The following GLCE variants were observed in gnomAD, a reference collection of about 807,000 sequenced individuals.
The protein encoded by GLCE is D-glucuronyl C5-epimerase.
A neutral mutation model predicts 47.9 loss-of-function variants in GLCE; 19 were observed. The ratio of observed to expected loss-of-function variants is 0.40; its 90% CI spans 0.28 to 0.58. The LOEUF (loss-of-function observed/expected upper bound fraction) is 0.58. GLCE is among the 20% of genes least tolerant of loss of function. The pLI is 0.48. For missense variants in GLCE, 556 were observed against 743.3 expected (o/e 0.75, Z 2.93); for synonymous variants, 245 against 263.4 (o/e 0.93, Z 0.68).
intron 1 of GLCE, among the ~76,000 whole-genome samples, chr15:69,171,555 C>T (rs1336916758): frequency 6.6e-6 from 1 of 151,898 alleles, no homozygotes; most frequent in Non-Finnish European, 1.5e-5. Context: ...TGCCACCATG[C>T]CCGGCCAATT....
chr15:69,199,198 A>G (rs1037383071), intron 1 of GLCE, among the ~76,000 whole-genome samples: 3 of 152,170 alleles, frequency 2.0e-5, no homozygotes, highest in Non-Finnish European at 4.4e-5. Context: ...GAAAAGTTCA[A>G]GTCATTTTGT....
chr15:69,239,463 G>A lies in GLCE; in HGVS notation c.-13-16331G>A, dbSNP rs531121751. Among the ~76,000 whole-genome samples, 7 of 152,174 alleles carry A rather than the reference G, an allele frequency of 4.6e-5. No individual in the cohort carries two copies. The South Asian group carries it at 1.5e-3, about 32-fold the overall frequency. ...GAAAACCCAAGCTGGAACATAAGATGGTTTATTTCTGGTGTCTGTTACTAA... is the reference window on the plus strand; with the variant it reads ...GAAAACCCAAGCTGGAACATAAGATAGTTTATTTCTGGTGTCTGTTACTAA... On this transcript the variant is annotated intron_variant, in intron 2 of 4. Transcript: ENST00000261858.
At chr15:69,245,758 T>C (rs2052737361) in intron 2 of GLCE, among the ~76,000 whole-genome samples, 1 of 152,190 alleles carries the variant, frequency 6.6e-6, no homozygotes, top group Non-Finnish European at 1.5e-5. Context: ...AGACAGAGTC[T>C]CACTCTGTCA....
intron 1 of GLCE, among the ~76,000 whole-genome samples, chr15:69,198,328 A>AT (rs1287356170): frequency 2.0e-5 from 3 of 152,190 alleles, no homozygotes; most frequent in Non-Finnish European, 4.4e-5. Flanking sequence ...TGCATAACAA[A>AT]TTACTTTAAA....
intron 2 of GLCE, among the ~76,000 whole-genome samples, chr15:69,214,897 A>G (rs2052283699): frequency 1.3e-5 from 2 of 152,204 alleles, no homozygotes; most frequent in South Asian, 4.1e-4. Flanking sequence ...GTGTTTGTAT[A>G]CAGTTATTTT....
intron 2 of GLCE, among the ~76,000 whole-genome samples, chr15:69,227,888 G>A (rs759505737): frequency 2.6e-5 from 4 of 152,184 alleles, no homozygotes; most frequent in Non-Finnish European, 5.9e-5. Flanking sequence ...ACAATGATAT[G>A]TAAGAATATG....
At chr15:69,205,824 A>G (rs2052143662) in intron 1 of GLCE, among the ~76,000 whole-genome samples, 1 of 152,116 alleles carries the variant, frequency 6.6e-6, no homozygotes, top group Admixed American at 6.6e-5. Flanking sequence ...ACCATTAAAA[A>G]CAACCTTTTT....
At position 69,271,285 on chromosome 15, in the gene GLCE, A is replaced by T. The variant is rs1209356565; in HGVS notation, c.*2041A>T. On this transcript the variant is annotated 3_prime_UTR_variant, in exon 5 of 5. Coordinates refer to ENST00000261858, the MANE Select transcript of GLCE (RefSeq NM_015554.3). ...TGTGATCCCAGAATTTTCTAAGAGG[A>T]TGAGTTGAATCTATAGCAGCATTGT... 6.6e-6 allele frequency: 1 copy of T among 152,642 alleles called. No homozygotes were observed. The highest frequency in any genetic ancestry group is 1.9e-4 in the East Asian group (1 of 5,196). 9.5% of individuals were successfully genotyped at this position (152,642 alleles called of 1,614,324 possible).
chr15:69,260,741 A>G (rs2053002490), intron 3 of GLCE: 1 of 222,314 alleles, frequency 4.5e-6, no homozygotes. Context: ...ATACGCATCT[A>G]AATTGTGCAG....
chr15:69,198,829 A>G (rs1224326166), intron 1 of GLCE, among the ~76,000 whole-genome samples: 4 of 152,142 alleles, frequency 2.6e-5, no homozygotes, highest in South Asian at 2.1e-4. Flanking sequence ...TCTTGGGATT[A>G]CAGGCGTGAA....
At chr15:69,173,433 A>G (rs965508959) in intron 1 of GLCE, among the ~76,000 whole-genome samples, 5 of 152,252 alleles carry the variant, frequency 3.3e-5, no homozygotes, top group African/African-American at 7.2e-5. Flanking sequence ...GGGTTGGCAC[A>G]TGGAAGAAGG....
chr15:69,169,840 GC>G (rs1481315146), intron 1 of GLCE, among the ~76,000 whole-genome samples: 2 of 151,996 alleles, frequency 1.3e-5, no homozygotes, highest in Non-Finnish European at 2.9e-5. Flanking sequence ...TGTGAATAGT[GC>G]CGCAATAAAC....
In GLCE at chr15:69,268,723, A is replaced by G. The variant is rs765668349; in HGVS notation, c.1333A>G (p.Met445Val). 1.2e-6 allele frequency: 2 copies of G among 1,614,216 alleles called. No individual in the cohort carries two copies. The highest frequency in any genetic ancestry group is 1.7e-6 in the Non-Finnish European group (2 of 1,180,034). The part of the protein sequence containing the change: ...KSLEPGWYSA[M>V]AQGQAISTLV... ...TTTAGAGCCAGGATGGTATTCTGCCATGGCCCAAGGGCAAGCCATTTCTAC... is the reference window on the plus strand; with the variant it reads ...TTTAGAGCCAGGATGGTATTCTGCCGTGGCCCAAGGGCAAGCCATTTCTAC... Residue 445 changes from methionine to valine, a missense_variant, in exon 5 of 5, where the codon ATG becomes GTG. By Grantham distance (21) the Met-to-Val change is conservative (BLOSUM62 1). This residue lies in a region of GLCE where 245 missense variants were observed against 368.1 expected (regional missense o/e 0.67). Coordinates refer to ENST00000261858, the MANE Select transcript of GLCE (RefSeq NM_015554.3).
intron 2 of GLCE, among the ~76,000 whole-genome samples, chr15:69,217,805 C>G (rs1164633941): frequency 6.6e-6 from 1 of 152,144 alleles, no homozygotes; most frequent in African/African-American, 2.4e-5. Flanking sequence ...TTAGTCTTCA[C>G]AATTAGCCTA....
intron 2 of GLCE, among the ~76,000 whole-genome samples, chr15:69,234,996 T>G (rs2052575239): frequency 6.6e-6 from 1 of 152,032 alleles, no homozygotes; most frequent in Non-Finnish European, 1.5e-5. Context: ...CTGGTTTTAC[T>G]GATTGCTTAT....
At chr15:69,228,264 A>G (rs1275006294) in intron 2 of GLCE, among the ~76,000 whole-genome samples, 1 of 152,220 alleles carries the variant, frequency 6.6e-6, no homozygotes, top group Non-Finnish European at 1.5e-5. Context: ...TAGATGAACT[A>G]TATTAATTGT....
At chr15:69,219,050 CT>C (rs2052344965) in intron 2 of GLCE, among the ~76,000 whole-genome samples, 1 of 152,026 alleles carries the variant, frequency 6.6e-6, no homozygotes, top group Non-Finnish European at 1.5e-5. Flanking sequence ...ATTAAACCGT[CT>C]TTATCTTAAT....
chr15:69,167,976 A>G (rs2051530179), intron 1 of GLCE, among the ~76,000 whole-genome samples: 1 of 152,112 alleles, frequency 6.6e-6, no homozygotes, highest in Non-Finnish European at 1.5e-5. Context: ...TCTTAATTAA[A>G]GTATTATCCT....
At chr15:69,194,464 G>T (rs1285960816) in intron 1 of GLCE, 1 of 152,172 alleles carries the variant, frequency 6.6e-6, no homozygotes, top group Non-Finnish European at 1.5e-5. Context: ...AAGAAGTCCA[G>T]ATGAAGTGAC....
Sources: gnomAD v4.1 joint callset for allele counts (sites outside exome capture counted in the v4.1 genomes callset) on GRCh38, gnomAD v4.1.1 for gene constraint, gnomAD v4.1.1 regional missense constraint, MANE v1.5 for transcripts, NCBI Gene and HGNC (gene_info 2026-07-23, HGNC 2026-07-21) for gene names.